Variants in PNKD observed in about 807,000 individuals in gnomAD.
PNKD encodes the protein probable thioesterase PNKD.
A neutral mutation model predicts 45.3 loss-of-function variants in PNKD; 36 were observed. The observed-to-expected ratio is 0.80, with a 90% CI of 0.61 to 1.05. The LOEUF (loss-of-function observed/expected upper bound fraction) is 1.05, where lower values mean the gene tolerates loss of function less well. PNKD is among the 50% of genes least tolerant of loss of function. The pLI is 0.00. For missense variants in PNKD, 511 were observed against 506.6 expected (o/e 1.01, Z -0.08); for synonymous variants, 197 against 210.1 (o/e 0.94, Z 0.54).
rs1261959491 is a variant in PNKD, at chr2:218,344,863, G to T, written c.1040G>T (p.Cys347Phe). ...RSYNPFLRTH[C>F]LALQEALGPG... The stretch of plus-strand genomic sequence containing the variant: ...TACAACCCGTTCCTGAGAACCCACT[G>T]CCTGGCGCTACAGGAGGCTCTGGGG... The change falls in exon 10 of 10, where the codon TGC becomes TTC. Residue 347 changes from cysteine (C) to phenylalanine (F), a missense_variant. By Grantham distance (205) the Cys-to-Phe change is radical. Transcript: ENST00000273077. The T allele has an allele frequency of 1.9e-6, 3 of 1,613,974 alleles. No homozygotes were observed. The South Asian group carries it at 3.3e-5, about 18-fold the overall frequency.
At chr2:218,332,807 C>T (rs1292853898) in intron 2 of PNKD, among the ~76,000 whole-genome samples, 2 of 152,132 alleles carry the variant, frequency 1.3e-5, no homozygotes, top group African/African-American at 2.4e-5. Context: ...TGATCCTGTG[C>T]ACCCTGTTCT....
At chr2:218,275,997 C>T in intron 2 of PNKD, 1 of 1,604,090 alleles carries the variant, frequency 6.2e-7, no homozygotes, top group Non-Finnish European at 8.5e-7. Flanking sequence ...CCCCTCAGCT[C>T]CCCTTCCTAG....
chr2:218,277,796 A>G (rs1321794951), intron 2 of PNKD: 1 of 1,539,572 alleles, frequency 6.5e-7, no homozygotes, highest in African/African-American at 1.4e-5. Flanking sequence ...AGGCAGCCAC[A>G]GAGGAGATCA....
chr2:218,323,277 C>T, intron 2 of PNKD: 2 of 1,537,924 alleles, frequency 1.3e-6, no homozygotes, highest in Middle Eastern at 1.7e-4. Flanking sequence ...CATGGCTTGG[C>T]AGGGCTGGCC....
chr2:218,284,540 C>T (rs1050189559), intron 2 of PNKD, among the ~76,000 whole-genome samples: 4 of 152,238 alleles, frequency 2.6e-5, no homozygotes, highest in Non-Finnish European at 4.4e-5. Flanking sequence ...CGGGTGCTGA[C>T]TCAGAGCTTC....
At chr2:218,318,762 T>C (rs993038064) in intron 2 of PNKD, among the ~76,000 whole-genome samples, 2 of 151,994 alleles carry the variant, frequency 1.3e-5, no homozygotes, top group Non-Finnish European at 2.9e-5. Flanking sequence ...ACAGAAAAGA[T>C]CCACAAAATA....
intron 2 of PNKD, among the ~76,000 whole-genome samples, chr2:218,332,084 A>G (rs989477739): frequency 6.6e-6 from 1 of 152,198 alleles, no homozygotes; most frequent in African/African-American, 2.4e-5. Flanking sequence ...GACATTTGCT[A>G]ATAAGCAGTG....
chr2:218,279,373 C>T lies in PNKD; in HGVS notation c.236+7824C>T, dbSNP rs759436684. ...GTAAACCTGGACACAGACGGCCGGGCATGGGTCACCATCCGGCACCCCTGG... is the reference window on the plus strand; with the variant it reads ...GTAAACCTGGACACAGACGGCCGGGTATGGGTCACCATCCGGCACCCCTGG... On this transcript the variant is annotated intron_variant, in intron 2 of 9. Coordinates refer to ENST00000273077, the MANE Select transcript of PNKD (RefSeq NM_015488.5). The T allele has an allele frequency of 2.6e-6, 4 of 1,538,968 alleles. No individual in the cohort carries two copies. In the Admixed American group the frequency reaches 8.3e-5, roughly 32 times the overall value.
At chr2:218,334,115 AAAAC>A (rs1394927608) in intron 2 of PNKD, among the ~76,000 whole-genome samples, 12 of 151,536 alleles carry the variant, frequency 7.9e-5, no homozygotes, top group South Asian at 4.2e-4. Flanking sequence ...TCTCAGTCTA[AAAAC>A]AAACAAACAA....
At chr2:218,317,609 G>T (rs1693850648) in intron 2 of PNKD, among the ~76,000 whole-genome samples, 1 of 152,218 alleles carries the variant, frequency 6.6e-6, no homozygotes, top group Admixed American at 6.5e-5. Flanking sequence ...ACTGCAGAAG[G>T]CAGGGCAGTG....
chr2:218,310,565 T>A (rs186601505), intron 2 of PNKD, among the ~76,000 whole-genome samples: 44 of 149,534 alleles, frequency 2.9e-4, no homozygotes, highest in Middle Eastern at 3.6e-3. Flanking sequence ...TGTATAACAA[T>A]GGTCCCATGA....
intron 2 of PNKD, chr2:218,278,042 G>C: frequency 6.3e-7 from 1 of 1,577,774 alleles, no homozygotes; most frequent in Non-Finnish European, 8.7e-7. Context: ...TCCTACAGCA[G>C]AAGGAAGCGC....
chr2:218,313,817 C>T (rs1693683019), intron 2 of PNKD, among the ~76,000 whole-genome samples: 2 of 151,820 alleles, frequency 1.3e-5, no homozygotes, highest in South Asian at 4.2e-4. Context: ...ATTCTTAGAA[C>T]TTCAGGATTT....
At chr2:218,278,404 T>G in intron 2 of PNKD, 1 of 1,142,392 alleles carries the variant, frequency 8.8e-7, no homozygotes, top group Non-Finnish European at 1.3e-6. Flanking sequence ...TCCTCCTCAT[T>G]TCTTGTAAGT....
intron 2 of PNKD, among the ~76,000 whole-genome samples, chr2:218,307,604 C>T (rs1175866615): frequency 1.3e-5 from 2 of 152,180 alleles, no homozygotes. Flanking sequence ...ACAGGTAAAG[C>T]TTTGCCTGTC....
At chr2:218,276,175 G>T (rs1691188618) in intron 2 of PNKD, 1 of 1,359,108 alleles carries the variant, frequency 7.4e-7, no homozygotes, top group Non-Finnish European at 1.0e-6. Context: ...ATGAGAGTGG[G>T]TAGAGCTGGG....
At chr2:218,307,865 T>C (rs2106257345) in intron 2 of PNKD, among the ~76,000 whole-genome samples, 1 of 152,178 alleles carries the variant, frequency 6.6e-6, no homozygotes, top group South Asian at 2.1e-4. Context: ...TGCTCCATTG[T>C]CATAGCTGCC....
At chr2:218,295,342 G>A (rs1693117068) in intron 2 of PNKD, among the ~76,000 whole-genome samples, 2 of 152,200 alleles carry the variant, frequency 1.3e-5, no homozygotes, top group South Asian at 4.1e-4. Context: ...CACAGTCTAA[G>A]GGAGCCAGTA....
At chr2:218,311,854 A>G (rs1177820538) in intron 2 of PNKD, among the ~76,000 whole-genome samples, 3 of 152,220 alleles carry the variant, frequency 2.0e-5, no homozygotes, top group African/African-American at 7.2e-5. Context: ...CCATGAGGCC[A>G]TATCTCAGGC....
Sources: gnomAD v4.1 joint callset for allele counts (sites outside exome capture counted in the v4.1 genomes callset) on GRCh38, gnomAD v4.1.1 for gene constraint, MANE v1.5 for transcripts, NCBI Gene and HGNC (gene_info 2026-07-23, HGNC 2026-07-21) for gene names.